Variants in PML observed in about 807,000 individuals in gnomAD.
PML encodes the protein protein PML.
A neutral mutation model predicts 65.2 loss-of-function variants in PML; 28 were observed. The ratio of observed to expected loss-of-function variants is 0.43; its 90% CI spans 0.32 to 0.59. PML has a LOEUF of 0.59. Among genes scored for constraint, PML ranks in the 20% least tolerant of loss-of-function variants. PML has a pLI of 0.08. For missense variants in PML, 1,021 were observed against 1,203.4 expected (o/e 0.85, Z 2.24); for synonymous variants, 500 against 508.8 (o/e 0.98, Z 0.23).
rs777008010 is a variant in PML at position 74,022,987 on chromosome 15, T to C, written c.762T>C (p.Phe254=). 6.2e-7 allele frequency: 1 copy of C among 1,610,194 alleles called. No individual in the cohort carries two copies. The highest frequency in any genetic ancestry group is 2.2e-5 in the East Asian group (1 of 44,796). The change falls in exon 3 of 9, where the codon TTT becomes TTC. Residue 254 remains phenylalanine, a synonymous_variant. Coordinates refer to ENST00000268058, the MANE Select transcript of PML (RefSeq NM_033238.3). ...TQALQEQDSA[F]GAVHAQMHAA... ...CGCTGCAGGAGCAGGATAGTGCCTT[T>C]GGCGCGGTTCACGCGCAGATGCACG...
chr15:74,034,996 C>T, intron 7 of PML: 1 of 1,522,144 alleles, frequency 6.6e-7, no homozygotes, highest in Non-Finnish European at 8.8e-7. Flanking sequence ...TAAATCCATT[C>T]CACAGTGAAA....
At chr15:74,024,734 A>T in intron 3 of PML, 123 bp from the exon 4 acceptor site, 1 of 764,068 alleles carries the variant, frequency 1.3e-6, no homozygotes, top group Non-Finnish European at 2.4e-6. Context: ...GTGCTTTGGG[A>T]TGCCCTGGAA....
At chr15:74,040,929 T>C (rs1423917356) in intron 7 of PML, among the ~76,000 whole-genome samples, 1 of 152,172 alleles carries the variant, frequency 6.6e-6, no homozygotes, top group African/African-American at 2.4e-5. Context: ...AACGAGGTTC[T>C]AGTGGCTGCC....
chr15:74,004,291 T>C (rs770016448), intron 2 of PML, among the ~76,000 whole-genome samples: 7 of 152,020 alleles, frequency 4.6e-5, no homozygotes, highest in Non-Finnish European at 7.4e-5. Flanking sequence ...TATAGTTGGA[T>C]GGTTTTCATT....
intron 6 of PML, chr15:74,034,260 G>A (rs191165424): frequency 1.6e-6 from 1 of 638,770 alleles, no homozygotes; most frequent in Admixed American, 2.3e-5. Context: ...TCATAGATAA[G>A]GCACAGCAAG....
At chr15:74,025,534 C>T (rs1440336779) in intron 4 of PML, 2 of 160,110 alleles carry the variant, frequency 1.2e-5, no homozygotes, top group African/African-American at 4.8e-5. Flanking sequence ...AGCAGACTGT[C>T]TCAGGGTTCA....
At chr15:74,021,091 A>G (rs962416325) in intron 2 of PML, among the ~76,000 whole-genome samples, 2 of 152,224 alleles carry the variant, frequency 1.3e-5, no homozygotes, top group African/African-American at 4.8e-5. Flanking sequence ...TACAGTTTGC[A>G]TCTAGACTCT....
intron 2 of PML, among the ~76,000 whole-genome samples, chr15:74,003,575 T>C (rs2069888063): frequency 1.3e-5 from 2 of 152,234 alleles, no homozygotes. Flanking sequence ...GTTTTTCTTC[T>C]TCCCTCTTCC....
In PML at chr15:74,046,875, C is replaced by T. The variant is rs1268759811; in HGVS notation, c.*1867C>T. ...GCTCTCCCAGGCATAGGCTTGTGGC[C>T]ACTTGCCCAGCACAACTGTGTTTTG... On this transcript the variant is annotated 3_prime_UTR_variant, in exon 9 of 9. Coordinates refer to ENST00000268058, the MANE Select transcript of PML (RefSeq NM_033238.3). The T allele has an allele frequency of 4.3e-6, 1 of 230,808 alleles. No homozygotes were observed. The highest frequency in any genetic ancestry group is 5.7e-5 in the Admixed American group (1 of 17,698). The allele number at this position is 230,808 out of a possible 1,614,324, so 14.3% of individuals were successfully genotyped here.
At chr15:74,031,582 T>G (rs1409063914) in intron 4 of PML, among the ~76,000 whole-genome samples, 1 of 152,254 alleles carries the variant, frequency 6.6e-6, no homozygotes, top group Non-Finnish European at 1.5e-5. Flanking sequence ...GCACATTTAG[T>G]TTGTTTTACC....
chr15:74,030,778 A>G (rs1033184131), intron 4 of PML, among the ~76,000 whole-genome samples: 25 of 152,160 alleles, frequency 1.6e-4, no homozygotes, highest in African/African-American at 5.6e-4. Context: ...AAGATTGGCA[A>G]TAATCATAGT....
intron 4 of PML, chr15:74,027,928 A>G (rs1309223628): frequency 6.6e-6 from 1 of 152,284 alleles, no homozygotes; most frequent in Non-Finnish European, 1.5e-5. Flanking sequence ...CAGCTGTGCC[A>G]GGAGAGAAGC....
chr15:74,032,394 G>GTGAT lies in PML; in HGVS notation c.1255-177_1255-174dup. ...AAAAAAATTTTTTTAAAAAAAGGAGGTGATGTGATGGAGAGTTTGGAGGAC... is the reference window on the plus strand; with the variant it reads ...AAAAAAATTTTTTTAAAAAAAGGAGGTGATTGATGTGATGGAGAGTTTGGAGGAC... On this transcript the variant is annotated intron_variant, in intron 4 of 8. Coordinates refer to ENST00000268058, the MANE Select transcript of PML (RefSeq NM_033238.3). 4.6e-6 allele frequency: 3 copies of GTGAT among 657,794 alleles called. No homozygotes were observed. The South Asian group carries it at 5.6e-5, about 12-fold the overall frequency. The allele number at this position is 657,794 out of a possible 1,614,324, so 40.7% of individuals were successfully genotyped here.
rs1003318342 is a variant in PML, at chr15:74,043,837, G to A, written c.1862-384G>A. 1.9e-6 allele frequency: 1 copy of A among 526,616 alleles called. No homozygotes were observed. Among genetic ancestry groups the A allele is most frequent in the South Asian group, 1.5e-5 (1 of 67,778 alleles). 32.6% of individuals were successfully genotyped at this position (526,616 alleles called of 1,614,324 possible). A position where few individuals can be genotyped will look rare whatever the true frequency, so the allele number is the denominator to read the frequency against. ...CTCTGACTGGGCTGGGGTCCTTGAG[G>A]GGATTGGAGGAAGGAGCATGGGATG... is the stretch of plus-strand genomic sequence containing the variant. On this transcript the variant is annotated intron_variant, in intron 8 of 8. Transcript: ENST00000268058. The surrounding 1 kb of genome is among the most constrained non-coding windows in gnomAD (Gnocchi z 4.3).
chr15:73,995,713 T>TG (rs1369943011), intron 1 of PML, among the ~76,000 whole-genome samples: 4 of 151,652 alleles, frequency 2.6e-5, no homozygotes, highest in Non-Finnish European at 5.9e-5. Context: ...TTGGTTTTTT[T>TG]TTGTTGTTGT....
intron 2 of PML, among the ~76,000 whole-genome samples, chr15:74,002,005 A>G (rs1350171218): frequency 7.0e-6 from 1 of 141,902 alleles, no homozygotes; most frequent in African/African-American, 2.6e-5. Context: ...CCCTGACTCG[A>G]AAAAAAAAAA....
At chr15:73,997,338 A>G (rs1166242770) in intron 1 of PML, among the ~76,000 whole-genome samples, 2 of 152,208 alleles carry the variant, frequency 1.3e-5, no homozygotes, top group East Asian at 3.9e-4. Context: ...AGAATCATAC[A>G]GTGTTTGACC....
chr15:74,007,640 GTGGCTTTAAACC>G (rs951554500), intron 2 of PML, among the ~76,000 whole-genome samples: 1 of 152,216 alleles, frequency 6.6e-6, no homozygotes, highest in African/African-American at 2.4e-5. Flanking sequence ...AGCCCCAGAG[GTGGCTTTAAACC>G]TGGGACTCGG....
intron 2 of PML, among the ~76,000 whole-genome samples, chr15:74,000,868 A>T (rs910128760): frequency 6.6e-6 from 1 of 152,226 alleles, no homozygotes; most frequent in Non-Finnish European, 1.5e-5. Context: ...TACTCAGTGA[A>T]TGTTAAAATT....
Sources: allele counts gnomAD v4.1 joint callset (sites outside exome capture counted in the v4.1 genomes callset), GRCh38; gene constraint gnomAD v4.1.1; non-coding constraint Gnocchi (gnomAD v3.1); transcripts MANE v1.5; gene names NCBI Gene and HGNC (gene_info 2026-07-23, HGNC 2026-07-21).